NR2C2: variants seen among roughly 807,000 people sequenced by gnomAD.
NR2C2 encodes the protein nuclear receptor subfamily 2 group C member 2.
In NR2C2, 6 loss-of-function variants were observed where a neutral mutation model predicts 62.9. The observed-to-expected ratio is 0.10, with a 90% CI of 0.05 to 0.19. The LOEUF (loss-of-function observed/expected upper bound fraction) is 0.19. NR2C2 is among the 10% of genes least tolerant of loss of function. The pLI is 1.00. For missense variants in NR2C2, 479 were observed against 762.7 expected (o/e 0.63, Z 4.38); for synonymous variants, 272 against 273.8 (o/e 0.99, Z 0.07).
At chr3:14,952,244 G>A (rs1387567851) in intron 1 of NR2C2, among the ~76,000 whole-genome samples, 1 of 152,222 alleles carries the variant, frequency 6.6e-6, no homozygotes, top group Non-Finnish European at 1.5e-5. Flanking sequence ...GCGGATACTT[G>A]TTGTCTGAAT....
intron 13 of NR2C2, 170 bp from the exon 14 acceptor site, chr3:15,042,664 T>G: frequency 1.7e-6 from 1 of 600,996 alleles, no homozygotes; most frequent in Non-Finnish European, 2.9e-6. Context: ...TTTTTTCTCA[T>G]GATAAATTTC....
At chr3:14,994,733 A>C (rs1105922) in intron 1 of NR2C2, among the ~76,000 whole-genome samples, 1 of 144,152 alleles carries the variant, frequency 6.9e-6, no homozygotes. Context: ...GAGCTGCCAC[A>C]CCCAACCTAT....
intron 11 of NR2C2, among the ~76,000 whole-genome samples, chr3:15,036,097 T>C (rs1335102230): frequency 7.0e-6 from 1 of 142,362 alleles, no homozygotes; most frequent in East Asian, 2.1e-4. Flanking sequence ...GGCTGAGGCA[T>C]GAGAATCACT....
chr3:14,965,808 C>T (rs1484466925), intron 1 of NR2C2, among the ~76,000 whole-genome samples: 6 of 152,170 alleles, frequency 3.9e-5, no homozygotes, highest in Admixed American at 2.6e-4. Flanking sequence ...GGATTACAGG[C>T]GTGGGGCACT....
intron 9 of NR2C2, 127 bp from the exon 10 acceptor site, chr3:15,032,252 G>T: frequency 7.6e-7 from 1 of 1,314,708 alleles, no homozygotes; most frequent in Non-Finnish European, 1.1e-6. Context: ...GACTGCATGG[G>T]ACTTCAGAAT....
chr3:15,014,776 T>A (rs1251544869), intron 3 of NR2C2, among the ~76,000 whole-genome samples: 1 of 152,198 alleles, frequency 6.6e-6, no homozygotes, highest in Admixed American at 6.5e-5. Flanking sequence ...CCATCCATGT[T>A]GTAGCATGTG....
rs144118549 is a variant in NR2C2 at position 14,965,862 on chromosome 3, G to A, written c.-40+17956G>A. 8.8e-4 allele frequency among the ~76,000 whole-genome samples: 134 copies of A among 151,970 alleles called. 2 individuals are homozygous for A. In the East Asian group the frequency reaches 0.024, roughly 27 times the overall value. On this transcript the variant is annotated intron_variant, in intron 1 of 13. Transcript: ENST00000425241. ...GTATTTGTCGTAGAGACAGGGTTTC[G>A]CCTTGTTGGCCAGGCAGGCTGGTCT...
intron 3 of NR2C2, among the ~76,000 whole-genome samples, chr3:15,014,392 A>G (rs114617270): frequency 6.6e-6 from 1 of 152,086 alleles, no homozygotes; most frequent in Non-Finnish European, 1.5e-5. Context: ...TCCAAACCCA[A>G]CAATTAGAGA....
intron 1 of NR2C2, among the ~76,000 whole-genome samples, chr3:14,990,719 C>A (rs1457580538): frequency 6.6e-6 from 1 of 152,162 alleles, no homozygotes; most frequent in African/African-American, 2.4e-5. Flanking sequence ...AACAAGACTG[C>A]AGTATTGAAG....
At chr3:14,978,842 A>G (rs10510434) in intron 1 of NR2C2, among the ~76,000 whole-genome samples, 10,250 of 152,218 alleles carry the variant, frequency 0.067, 449 homozygotes, top group East Asian at 0.13. Context: ...AGTTATCCAC[A>G]GACTATACCT....
chr3:14,986,334 A>G (rs1334297313), intron 1 of NR2C2, among the ~76,000 whole-genome samples: 1 of 152,186 alleles, frequency 6.6e-6, no homozygotes, highest in African/African-American at 2.4e-5. Flanking sequence ...GTAAGTACAT[A>G]CTTAAATAAG....
chr3:14,974,979 C>A (rs372880243), intron 1 of NR2C2, among the ~76,000 whole-genome samples: 1 of 152,092 alleles, frequency 6.6e-6, no homozygotes, highest in South Asian at 2.1e-4. Flanking sequence ...TAATCCTGAA[C>A]ATTTTATTCT....
chr3:15,020,115 G>C (rs968491138), intron 4 of NR2C2, among the ~76,000 whole-genome samples: 1 of 152,196 alleles, frequency 6.6e-6, no homozygotes, highest in Non-Finnish European at 1.5e-5. Flanking sequence ...TGCATTCCTA[G>C]AACTGTGTTT....
At chr3:14,952,822 A>G (rs2039407250) in intron 1 of NR2C2, among the ~76,000 whole-genome samples, 1 of 151,966 alleles carries the variant, frequency 6.6e-6, no homozygotes, top group Admixed American at 6.6e-5. Context: ...TAGCAGTCCT[A>G]CTCCCCTTGC....
At position 14,990,038 on chromosome 3, in the gene NR2C2, G is replaced by A. The variant is rs1286440035; in HGVS notation, c.-39-13838G>A. On this transcript the variant is annotated intron_variant, in intron 1 of 13. Transcript: ENST00000425241. ...GGATCACTTGAGCCCAGGAGGTCAAGGCTGCAGTGAGCCATGATTGCACCA... is the reference window on the plus strand; with the variant it reads ...GGATCACTTGAGCCCAGGAGGTCAAAGCTGCAGTGAGCCATGATTGCACCA... 2.0e-5 allele frequency among the ~76,000 whole-genome samples: 3 copies of A among 151,950 alleles called. No individual in the cohort carries two copies. In the East Asian group the frequency reaches 5.8e-4, roughly 29 times the overall value.
chr3:15,015,515 T>TA (rs1480803527), intron 3 of NR2C2, among the ~76,000 whole-genome samples: 6 of 152,200 alleles, frequency 3.9e-5, no homozygotes, highest in African/African-American at 7.2e-5. Context: ...TTCAAGTTGT[T>TA]ACGGGAAGAA....
chr3:14,964,259 AC>A (rs1272436694), intron 1 of NR2C2, among the ~76,000 whole-genome samples: 3 of 152,244 alleles, frequency 2.0e-5, no homozygotes, highest in African/African-American at 7.2e-5. Flanking sequence ...AGCTATACAT[AC>A]TTTTAAGATT....
At chr3:15,005,627 C>T (rs1203705674) in intron 2 of NR2C2, among the ~76,000 whole-genome samples, 3 of 151,318 alleles carry the variant, frequency 2.0e-5, no homozygotes, top group African/African-American at 7.3e-5. Context: ...AACTCCTGAG[C>T]CCAAGCTGTC....
intron 1 of NR2C2, chr3:14,959,050 T>G (rs2039611952): frequency 6.6e-6 from 1 of 152,260 alleles, no homozygotes; most frequent in South Asian, 2.1e-4. Context: ...CCACTGTTCC[T>G]TGGAGCCTCT....
Sources: allele counts gnomAD v4.1 joint callset (sites outside exome capture counted in the v4.1 genomes callset), GRCh38; gene constraint gnomAD v4.1.1; transcripts MANE v1.5; gene names NCBI Gene and HGNC (gene_info 2026-07-23, HGNC 2026-07-21).